IL31RA: variants seen among roughly 807,000 people sequenced by gnomAD.
IL31RA encodes interleukin-31 receptor subunit alpha.
In IL31RA, 66 loss-of-function variants were observed where a neutral mutation model predicts 83.7. The observed-to-expected ratio is 0.79, with a 90% confidence interval of 0.65 to 0.97. IL31RA has a LOEUF of 0.97. IL31RA is among the 50% of genes least tolerant of loss of function. IL31RA has a pLI of 0.00. For synonymous variants in IL31RA, 325 were observed against 329.0 expected, an observed-to-expected ratio of 0.99 and a Z score of 0.13; for missense variants, 798 against 919.4, an observed-to-expected ratio of 0.87 and a Z score of 1.71.
chr5:55,888,749 C>T (rs968138842), intron 5 of IL31RA, among the ~76,000 whole-genome samples: 1 of 152,140 alleles, frequency 6.6e-6, no homozygotes, highest in South Asian at 2.1e-4. Flanking sequence ...ACAGCATCTC[C>T]GGGGCCTGTT....
upstream of IL31RA, among the ~76,000 whole-genome samples, chr5:55,846,703 AGG>A (rs1445664971): frequency 2.0e-5 from 3 of 152,180 alleles, no homozygotes; most frequent in Non-Finnish European, 2.9e-5. Context: ...AGGCTGAAAC[AGG>A]AGACTCGCTT....
intron 2 of IL31RA, chr5:55,866,816 C>G (rs1746078211): frequency 6.6e-6 from 1 of 152,362 alleles, no homozygotes; most frequent in South Asian, 2.1e-4. Context: ...TCCTTTCATT[C>G]CCTCCCCATC....
At chr5:55,864,658 C>T (rs894750498) in intron 2 of IL31RA, among the ~76,000 whole-genome samples, 3 of 150,524 alleles carry the variant, frequency 2.0e-5, no homozygotes, top group African/African-American at 4.9e-5. Context: ...CACGCTCCAG[C>T]GGACACACAC....
intron 6 of IL31RA, among the ~76,000 whole-genome samples, chr5:55,895,275 G>A (rs923280275): frequency 6.6e-6 from 1 of 152,152 alleles, no homozygotes; most frequent in African/African-American, 2.4e-5. Context: ...AGAACTCTCT[G>A]CTTTCCTCTC....
intron 5 of IL31RA, among the ~76,000 whole-genome samples, chr5:55,884,190 A>T (rs1214414452): frequency 6.6e-6 from 1 of 152,030 alleles, no homozygotes; most frequent in East Asian, 1.9e-4. Context: ...TGAGTCTTTT[A>T]TTTGTTACGT....
intron 4 of IL31RA, among the ~76,000 whole-genome samples, chr5:55,881,179 G>T (rs1262767200): frequency 6.6e-6 from 1 of 152,052 alleles, no homozygotes; most frequent in East Asian, 1.9e-4. Flanking sequence ...GCAGATGCCT[G>T]TAGTCCCAGC....
In IL31RA at chr5:55,851,389, C is replaced by A; in HGVS notation, c.-182C>A. On this transcript the variant is annotated 5_prime_UTR_variant, in exon 1 of 15. Transcript: ENST00000652347. ...CCTTCTGCTTAGGAACACCAGACAG[C>A]ACTCCAGCACTCTGCTTGGGGGGCA... The A allele has an allele frequency of 1.0e-6, 1 of 979,690 alleles. No individual in the cohort carries two copies. The allele number at this position is 979,690 out of a possible 1,614,324, so 60.7% of individuals were successfully genotyped here. A position where few individuals can be genotyped will look rare whatever the true frequency, so the allele number is the denominator to read the frequency against.
intron 1 of IL31RA, among the ~76,000 whole-genome samples, chr5:55,857,520 T>G (rs943337664): frequency 6.6e-6 from 1 of 152,224 alleles, no homozygotes; most frequent in African/African-American, 2.4e-5. Context: ...GCAAGGCTTG[T>G]TGACTTCCCA....
chr5:55,859,413 C>T (rs1433580042), intron 1 of IL31RA, 96 bp from the exon 2 acceptor site: 2 of 875,712 alleles, frequency 2.3e-6, no homozygotes. Flanking sequence ...AGGATCCTTC[C>T]TCCTTCCAAA....
intron 1 of IL31RA, among the ~76,000 whole-genome samples, chr5:55,854,089 A>G (rs1429558365): frequency 6.6e-6 from 1 of 152,158 alleles, no homozygotes; most frequent in Non-Finnish European, 1.5e-5. Flanking sequence ...GAGTAATACA[A>G]ACCCTACACG....
At chr5:55,863,881 G>A (rs1745839738) in intron 2 of IL31RA, among the ~76,000 whole-genome samples, 1 of 151,966 alleles carries the variant, frequency 6.6e-6, no homozygotes, top group Admixed American at 6.6e-5. Flanking sequence ...GTTAACCAAA[G>A]CTTTTGAAGA....
intron 5 of IL31RA, among the ~76,000 whole-genome samples, chr5:55,889,660 C>T (rs1004329736): frequency 6.6e-6 from 1 of 152,150 alleles, no homozygotes; most frequent in African/African-American, 2.4e-5. Flanking sequence ...ATGAGGCTTG[C>T]GTCTTCTAGA....
Position 55,898,849 on chromosome 5 carries a change from C to T in IL31RA, c.853-1067C>T, listed in dbSNP as rs1748627767. 2.0e-5 allele frequency among the ~76,000 whole-genome samples: 3 copies of T among 152,100 alleles called. No individual in the cohort carries two copies. In the East Asian group the frequency reaches 5.8e-4, roughly 29 times the overall value. ...GACCAGCTTGGACAACACAGCAAAACCCTGTCTCTACTAAAAATACAAAAA... is the reference window on the plus strand; with the variant it reads ...GACCAGCTTGGACAACACAGCAAAATCCTGTCTCTACTAAAAATACAAAAA... On this transcript the variant is annotated intron_variant, in intron 7 of 14. Coordinates refer to ENST00000652347, the MANE Select transcript of IL31RA (RefSeq NM_139017.7).
the IL31RA span, among the ~76,000 whole-genome samples, chr5:55,841,559 A>G: frequency 6.6e-6 from 1 of 152,174 alleles, no homozygotes; most frequent in African/African-American, 2.4e-5. Context: ...CAGTCATCAC[A>G]TGGACTCTCA....
chr5:55,848,168 T>A (rs2112251500), upstream of IL31RA, among the ~76,000 whole-genome samples: 1 of 152,316 alleles, frequency 6.6e-6, no homozygotes, highest in Non-Finnish European at 1.5e-5. Context: ...AGTCATCAAG[T>A]CTAGCATACC....
In IL31RA at chr5:55,867,254, CGT is replaced by C. The variant is rs1238118862; in HGVS notation, c.155-1532_155-1531del. 1.1e-3 allele frequency among the ~76,000 whole-genome samples: 28 copies of C among 25,042 alleles called. 5 individuals are homozygous for C. The highest frequency in any genetic ancestry group is 2.2e-3 in the Non-Finnish European group (17 of 7,878). The allele number at this position is 25,042 out of a possible 152,430, so 16.4% of individuals were successfully genotyped here. On this transcript the variant is annotated intron_variant, in intron 2 of 14. Transcript: ENST00000652347. ...GTGTTTGTGTGTGTGTTTGTGTGTG[CGT>C]GTGTTTGTGTGCGTGTGTGTGCATG...
intron 14 of IL31RA, 112 bp downstream of exon 14, chr5:55,915,040 A>G: frequency 1.2e-6 from 1 of 827,034 alleles, no homozygotes; most frequent in Non-Finnish European, 2.1e-6. Flanking sequence ...ACATCAAGAG[A>G]ACTGGAGTTG....
intron 1 of IL31RA, among the ~76,000 whole-genome samples, chr5:55,854,075 A>T (rs1745212207): frequency 6.6e-6 from 1 of 152,220 alleles, no homozygotes; most frequent in Non-Finnish European, 1.5e-5. Flanking sequence ...CGTAAACTAG[A>T]GATGAGTAAT....
intron 1 of IL31RA, 81 bp downstream of exon 1, chr5:55,851,714 G>T: frequency 1.2e-6 from 2 of 1,611,898 alleles, no homozygotes; most frequent in Non-Finnish European, 1.7e-6. Context: ...AGTAATGAGG[G>T]TTGATTTTAC....
Sources: allele counts gnomAD v4.1 joint callset (sites outside exome capture counted in the v4.1 genomes callset), GRCh38; gene constraint gnomAD v4.1.1; transcripts MANE v1.5; gene names NCBI Gene and HGNC (gene_info 2026-07-23, HGNC 2026-07-21).